SH3KBP1: variants seen among roughly 807,000 people sequenced by gnomAD.
SH3KBP1 encodes the protein SH3 domain-containing kinase-binding protein 1.
Under a neutral mutation model 50.1 loss-of-function variants are expected in SH3KBP1, and 8 were observed. That is an observed-to-expected ratio of 0.16 (90% CI 0.09 to 0.29). SH3KBP1 has a LOEUF of 0.29. Ranked by LOEUF, SH3KBP1 falls within the 10% of genes least tolerant of loss-of-function variation. SH3KBP1 has a pLI of 1.00. For synonymous variants in SH3KBP1, 227 were observed against 218.6 expected, an observed-to-expected ratio of 1.04 and a Z score of -0.34; for missense variants, 377 against 535.2, an observed-to-expected ratio of 0.70 and a Z score of 2.92.
intron 1 of SH3KBP1, among the ~76,000 whole-genome samples, chrX:19,865,326 T>C (rs1000593333): frequency 8.9e-5 from 10 of 112,043 alleles, no homozygotes; most frequent in Non-Finnish European, 1.9e-5. Context: ...GTTTGGCTGG[T>C]GCCATAAACT....
chrX:19,789,430 C>T, intron 2 of SH3KBP1, among the ~76,000 whole-genome samples: 1 of 110,930 alleles, frequency 9.0e-6, no homozygotes, highest in Non-Finnish European at 1.9e-5. Flanking sequence ...ACTAGGGGGG[C>T]TTAAATAATA....
intron 2 of SH3KBP1, among the ~76,000 whole-genome samples, chrX:19,768,425 T>G (rs1265998489): frequency 1.0e-5 from 1 of 100,451 alleles, no homozygotes; most frequent in Non-Finnish European, 2.0e-5. Context: ...TTCAATACAT[T>G]CCATCCACAA....
chrX:19,635,035 G>C (rs942197840), intron 7 of SH3KBP1, among the ~76,000 whole-genome samples: 2 of 111,147 alleles, frequency 1.8e-5, no homozygotes, highest in African/African-American at 6.6e-5. Context: ...CATGACTCTA[G>C]TCACAGGCAC....
At chrX:19,765,825 A>G (rs2065587371) in intron 2 of SH3KBP1, among the ~76,000 whole-genome samples, 1 of 111,801 alleles carries the variant, frequency 8.9e-6, no homozygotes, top group Non-Finnish European at 1.9e-5. Context: ...TCCTTTTGTG[A>G]CTGGCTTCTG....
chrX:19,631,832 G>T, intron 8 of SH3KBP1, 32 bp downstream of exon 8: 1 of 1,012,443 alleles, frequency 9.9e-7, no homozygotes. Context: ...AGCAGTTCGC[G>T]ATTTAGAAGG....
At chrX:19,754,451 T>C (rs1328030844) in intron 2 of SH3KBP1, among the ~76,000 whole-genome samples, 3 of 111,935 alleles carry the variant, frequency 2.7e-5, no homozygotes, top group Non-Finnish European at 3.8e-5. Flanking sequence ...GAATGACCAA[T>C]TTAGTAGAGT....
chrX:19,559,483 C>T (rs1327598765), intron 13 of SH3KBP1, among the ~76,000 whole-genome samples: 1 of 105,006 alleles, frequency 9.5e-6, no homozygotes, highest in Non-Finnish European at 1.9e-5. Context: ...TGGGCCACCA[C>T]ACCCACCTAA....
intron 3 of SH3KBP1, among the ~76,000 whole-genome samples, chrX:19,740,389 T>G (rs1213838690): frequency 1.8e-5 from 2 of 112,364 alleles, no homozygotes; most frequent in Non-Finnish European, 3.8e-5. Flanking sequence ...CTATGTATCA[T>G]ATCTATCCCC....
intron 3 of SH3KBP1, among the ~76,000 whole-genome samples, chrX:19,708,932 G>T (rs1292072177): frequency 1.8e-5 from 2 of 111,791 alleles, no homozygotes; most frequent in Non-Finnish European, 1.9e-5. Flanking sequence ...TCTAGTGTTA[G>T]CTGAAGCCAT....
chrX:19,771,926 A>G (rs2065802852), intron 2 of SH3KBP1, among the ~76,000 whole-genome samples: 1 of 106,880 alleles, frequency 9.4e-6, no homozygotes, highest in East Asian at 2.8e-4. Context: ...AATTAAAACA[A>G]AAAAAAAAAC....
intron 1 of SH3KBP1, among the ~76,000 whole-genome samples, chrX:19,882,006 G>A (rs2069447700): frequency 9.0e-6 from 1 of 111,009 alleles, no homozygotes; most frequent in Non-Finnish European, 1.9e-5. Context: ...GTGTAGGGCA[G>A]GCTATGTGAG....
chrX:19,687,967 C>T (rs183974893), intron 5 of SH3KBP1, among the ~76,000 whole-genome samples: 2 of 112,247 alleles, frequency 1.8e-5, no homozygotes, highest in African/African-American at 6.5e-5. Context: ...ACATTATGCC[C>T]AGTTTAAACC....
chrX:19,784,483 G>A (rs1440544995), intron 2 of SH3KBP1, among the ~76,000 whole-genome samples: 1 of 111,801 alleles, frequency 8.9e-6, no homozygotes, highest in Non-Finnish European at 1.9e-5. Flanking sequence ...TTACTTGTAG[G>A]TGACCACCTC....
At chrX:19,632,005 G>A in intron 7 of SH3KBP1, 47 bp from the exon 8 acceptor site, 1 of 839,414 alleles carries the variant, frequency 1.2e-6, no homozygotes, top group Non-Finnish European at 1.7e-6. Context: ...TTTATCTAAT[G>A]AGCTGGCCCA....
intron 5 of SH3KBP1, among the ~76,000 whole-genome samples, chrX:19,684,896 T>A (rs1324253185): frequency 8.9e-6 from 1 of 112,450 alleles, no homozygotes; most frequent in Non-Finnish European, 1.9e-5. Context: ...AGATTCTTTT[T>A]TCCCAAGGCT....
At chrX:19,555,145 A>T (rs2065450722) in intron 13 of SH3KBP1, among the ~76,000 whole-genome samples, 1 of 112,910 alleles carries the variant, frequency 8.9e-6, no homozygotes, top group Non-Finnish European at 1.9e-5. Context: ...AATGCCCATA[A>T]GTCAGTCCAA....
rs1267006603 is a variant in SH3KBP1, at chrX:19,643,311, TTTTTTTTTTTA to T, written c.802+2078_802+2088del. On this transcript the variant is annotated intron_variant, in intron 7 of 17. Coordinates refer to ENST00000397821, the MANE Select transcript of SH3KBP1 (RefSeq NM_031892.3). ...GCTGAAACTGAAGAATTTTTTATTT[TTTTTTTTTTTA>T]TTTTTTTTTTTTTTTGAGACAGGGT... Among the ~76,000 whole-genome samples, 31 of 87,837 alleles carry T rather than the reference TTTTTTTTTTTA, an allele frequency of 3.5e-4. 2 individuals carry two copies. Among genetic ancestry groups the T allele is most frequent in the Admixed American group, 9.0e-4 (8 of 8,892 alleles). 76.3% of individuals were successfully genotyped at this position (87,837 alleles called of 115,157 possible).
intron 9 of SH3KBP1, among the ~76,000 whole-genome samples, chrX:19,599,874 G>A (rs948018693): frequency 5.4e-5 from 6 of 111,137 alleles, no homozygotes; most frequent in Non-Finnish European, 7.5e-5. Context: ...GGCGCCAGGC[G>A]CGGTGGCTCA....
rs370279052 is a variant in SH3KBP1, at chrX:19,644,174, A to G, written c.802+1226T>C. Among the ~76,000 whole-genome samples the G allele has an allele frequency of 2.7e-4, 30 of 111,027 alleles. 1 individual carries two copies. The South Asian group carries it at 5.8e-3, about 21-fold the overall frequency. On this transcript the variant is annotated intron_variant, in intron 7 of 17. Transcript: ENST00000397821. ...GACCCCAGAATTACTCTAAAACTAT[A>G]CTGTCCACAGGGAGTAGGCAGACAG...
Sources: gnomAD v4.1 joint callset for allele counts (sites outside exome capture counted in the v4.1 genomes callset) on GRCh38, gnomAD v4.1.1 for gene constraint, MANE v1.5 for transcripts, NCBI Gene and HGNC (gene_info 2026-07-23, HGNC 2026-07-21) for gene names.